GPC5: variants seen among roughly 807,000 people sequenced by gnomAD.
GPC5 encodes glypican 5.
A neutral mutation model predicts 53.9 loss-of-function variants in GPC5; 47 were observed. The ratio of observed to expected loss-of-function variants is 0.87; its 90% CI spans 0.69 to 1.11. The LOEUF is 1.11. Among genes scored for constraint, GPC5 ranks in the 50% most tolerant of loss-of-function variants. GPC5 has a pLI of 0.00. For missense variants in GPC5, 748 were observed against 713.1 expected, an observed-to-expected ratio of 1.05 and a Z score of -0.56; for synonymous variants, 286 against 263.3, an observed-to-expected ratio of 1.09 and a Z score of -0.84.
At chr13:91,805,062 C>T (rs1420641981) in intron 5 of GPC5, among the ~76,000 whole-genome samples, 1 of 152,192 alleles carries the variant, frequency 6.6e-6, no homozygotes, top group African/African-American at 2.4e-5. Flanking sequence ...AACCTTCACA[C>T]ATCTCCCCCT....
At chr13:91,826,905 T>C (rs1182700397) in intron 5 of GPC5, among the ~76,000 whole-genome samples, 6 of 151,044 alleles carry the variant, frequency 4.0e-5, no homozygotes, top group Non-Finnish European at 7.4e-5. Flanking sequence ...AATTTAAGAG[T>C]GGAAAGATGG....
chr13:92,423,892 C>T (rs771090192), intron 7 of GPC5, among the ~76,000 whole-genome samples: 17 of 151,978 alleles, frequency 1.1e-4, no homozygotes, highest in African/African-American at 2.4e-4. Flanking sequence ...ATCAGAGCCG[C>T]GTTAAACAGA....
intron 7 of GPC5, among the ~76,000 whole-genome samples, chr13:92,183,488 C>T (rs2042162225): frequency 6.6e-6 from 1 of 152,014 alleles, no homozygotes; most frequent in African/African-American, 2.4e-5. Context: ...CATTCATTAA[C>T]CATTTAACCA....
chr13:91,624,356 T>C (rs79274856), intron 2 of GPC5, among the ~76,000 whole-genome samples: 1,803 of 152,250 alleles, frequency 0.012, 18 homozygotes, highest in African/African-American at 0.032. Context: ...AAAGAAAATA[T>C]AGTATCACAA....
intron 7 of GPC5, among the ~76,000 whole-genome samples, chr13:92,333,529 G>A (rs1005493147): frequency 5.3e-5 from 8 of 151,990 alleles, no homozygotes; most frequent in African/African-American, 1.9e-4. Flanking sequence ...TCTATTTATG[G>A]GGTGGTGGTG....
At chr13:92,546,107 A>G (rs998691813) in intron 7 of GPC5, among the ~76,000 whole-genome samples, 1 of 152,142 alleles carries the variant, frequency 6.6e-6, no homozygotes, top group African/African-American at 2.4e-5. Context: ...CTGGCACAAG[A>G]CAGGGATGCT....
At chr13:92,675,107 A>T (rs1886892401) in intron 7 of GPC5, among the ~76,000 whole-genome samples, 1 of 152,112 alleles carries the variant, frequency 6.6e-6, no homozygotes, top group Non-Finnish European at 1.5e-5. Context: ...CAAAATATTG[A>T]TGACTTTTTT....
At chr13:92,411,004 G>A (rs1876016892) in intron 7 of GPC5, among the ~76,000 whole-genome samples, 1 of 152,206 alleles carries the variant, frequency 6.6e-6, no homozygotes, top group Non-Finnish European at 1.5e-5. Context: ...GGAGACCAAG[G>A]CAGGTGGATC....
intron 7 of GPC5, among the ~76,000 whole-genome samples, chr13:92,658,557 T>C (rs1566347343): frequency 6.6e-6 from 1 of 152,208 alleles, no homozygotes; most frequent in Non-Finnish European, 1.5e-5. Flanking sequence ...TGTTGTGTAA[T>C]ACAATATTTA....
intron 7 of GPC5, among the ~76,000 whole-genome samples, chr13:92,715,138 G>A (rs747903470): frequency 5.3e-5 from 8 of 152,204 alleles, no homozygotes; most frequent in South Asian, 4.1e-4. Flanking sequence ...GATTTTGTAC[G>A]TATACATGTT....
chr13:92,258,297 T>A, intron 7 of GPC5, among the ~76,000 whole-genome samples: 1 of 152,228 alleles, frequency 6.6e-6, no homozygotes, highest in East Asian at 1.9e-4. Flanking sequence ...TCAGCCATAT[T>A]CTAACCTGTG....
At chr13:92,213,840 G>A (rs1210454712) in intron 7 of GPC5, among the ~76,000 whole-genome samples, 2 of 152,100 alleles carry the variant, frequency 1.3e-5, no homozygotes, top group African/African-American at 4.8e-5. Flanking sequence ...GTTAAAGCTG[G>A]AAGATTCAAG....
intron 6 of GPC5, among the ~76,000 whole-genome samples, chr13:92,113,801 TTAAA>T (rs1365864898): frequency 6.6e-6 from 1 of 151,338 alleles, no homozygotes; most frequent in Non-Finnish European, 1.5e-5. Context: ...GTAAGACACT[TTAAA>T]TAAGTATAAA....
intron 7 of GPC5, among the ~76,000 whole-genome samples, chr13:92,228,644 TTATC>T (rs2042506715): frequency 6.6e-6 from 1 of 152,248 alleles, no homozygotes; most frequent in South Asian, 2.1e-4. Context: ...CCCATTTAAT[TTATC>T]TATTAAAGAT....
intron 7 of GPC5, among the ~76,000 whole-genome samples, chr13:92,805,854 G>T (rs1363319662): frequency 2.6e-5 from 4 of 151,968 alleles, no homozygotes; most frequent in Non-Finnish European, 5.9e-5. Context: ...TAAAGCACTG[G>T]CAGAGTAAAT....
At chr13:92,182,311 G>T (rs951531644) in intron 7 of GPC5, among the ~76,000 whole-genome samples, 1 of 152,116 alleles carries the variant, frequency 6.6e-6, no homozygotes, top group Non-Finnish European at 1.5e-5. Flanking sequence ...CAGAAAAACT[G>T]ACTTTATCAG....
chr13:92,061,342 C>CTA (rs1365427541), intron 6 of GPC5, among the ~76,000 whole-genome samples: 1 of 151,948 alleles, frequency 6.6e-6, no homozygotes, highest in Non-Finnish European at 1.5e-5. Flanking sequence ...ATCAGGTGTG[C>CTA]TATGCTATTA....
At chr13:91,723,769 T>G (rs1291042221) in intron 3 of GPC5, among the ~76,000 whole-genome samples, 1 of 152,200 alleles carries the variant, frequency 6.6e-6, no homozygotes, top group Non-Finnish European at 1.5e-5. Flanking sequence ...CTATAGCAGA[T>G]CTTTCTAAAA....
chr13:92,109,342 T>C (rs2041537861), intron 6 of GPC5, among the ~76,000 whole-genome samples: 2 of 152,050 alleles, frequency 1.3e-5, no homozygotes, highest in African/African-American at 4.8e-5. Context: ...GCCAGGATTA[T>C]AGGCAGAAGC....
Sources: allele counts gnomAD v4.1 joint callset (sites outside exome capture counted in the v4.1 genomes callset), GRCh38; gene constraint gnomAD v4.1.1; transcripts MANE v1.5; gene names NCBI Gene and HGNC (gene_info 2026-07-23, HGNC 2026-07-21).